The following MTRF1 variants were observed in gnomAD, a reference collection of about 807,000 sequenced individuals.
The protein encoded by MTRF1 is peptide chain release factor 1, mitochondrial.
In MTRF1, 51 loss-of-function variants were observed where a neutral mutation model predicts 62.9. That is an observed-to-expected ratio of 0.81 (90% CI 0.65 to 1.02). The LOEUF is 1.02. Ranked by LOEUF, MTRF1 falls within the 50% of genes least tolerant of loss-of-function variation. The probability of loss-of-function intolerance (pLI) is 0.00; values close to 1 mark genes in which losing one functional copy is unlikely to be tolerated. For missense variants in MTRF1, 446 were observed against 530.0 expected (o/e 0.84, Z 1.56); for synonymous variants, 158 against 181.9 (o/e 0.87, Z 1.06).
the MTRF1 span, among the ~76,000 whole-genome samples, chr13:41,282,020 C>T: frequency 1.3e-5 from 2 of 151,956 alleles, no homozygotes. Flanking sequence ...CACCTGTAAT[C>T]CCAGCTACTC....
intron 7 of MTRF1, among the ~76,000 whole-genome samples, chr13:41,231,795 C>T (rs747718572): frequency 2.0e-5 from 3 of 149,126 alleles, no homozygotes; most frequent in Non-Finnish European, 3.0e-5. Flanking sequence ...TATCCCAACA[C>T]TTTGGGATGC....
At chr13:41,269,110 T>C in the MTRF1 span, among the ~76,000 whole-genome samples, 1 of 151,142 alleles carries the variant, frequency 6.6e-6, no homozygotes, top group Admixed American at 6.6e-5. Flanking sequence ...CTTTAAGCTT[T>C]CTTACCAAAA....
At chr13:41,288,240 T>G in the MTRF1 span, 4 of 419,610 alleles carry the variant, frequency 9.5e-6, no homozygotes, top group South Asian at 7.1e-5. Context: ...CATTGGGAAA[T>G]GCATTGGGTG....
intron 5 of MTRF1, among the ~76,000 whole-genome samples, chr13:41,245,223 A>G (rs2038080750): frequency 6.7e-6 from 1 of 148,618 alleles, no homozygotes; most frequent in Non-Finnish European, 1.5e-5. Context: ...ATCCTGATTT[A>G]TCAGATTCTT....
At chr13:41,218,221 T>A (rs958042717) in intron 9 of MTRF1, among the ~76,000 whole-genome samples, 1 of 151,020 alleles carries the variant, frequency 6.6e-6, no homozygotes, top group Non-Finnish European at 1.5e-5. Context: ...GCTCAAGCAA[T>A]CCTCCCACCT....
chr13:41,273,304 C>G, the MTRF1 span, among the ~76,000 whole-genome samples: 345 of 147,714 alleles, frequency 2.3e-3, 1 homozygote, highest in Non-Finnish European at 3.8e-3. Flanking sequence ...CCAGCCTGGG[C>G]TACAGAGCGA....
chr13:41,304,006 T>C, the MTRF1 span, among the ~76,000 whole-genome samples: 2 of 152,208 alleles, frequency 1.3e-5, no homozygotes, highest in Non-Finnish European at 1.5e-5. Flanking sequence ...AGAGTAGCTA[T>C]TCCTTCACCA....
the MTRF1 span, among the ~76,000 whole-genome samples, chr13:41,291,732 A>G: frequency 6.6e-6 from 1 of 152,206 alleles, no homozygotes; most frequent in Non-Finnish European, 1.5e-5. Context: ...ACAGCTACAG[A>G]ACAAGAATAA....
the MTRF1 span, among the ~76,000 whole-genome samples, chr13:41,292,449 TG>T: frequency 4.6e-5 from 7 of 151,608 alleles, no homozygotes; most frequent in African/African-American, 1.5e-4. Context: ...CTGGGCGTGG[TG>T]GGTGCCTGTA....
At chr13:41,293,172 G>A in the MTRF1 span, among the ~76,000 whole-genome samples, 5 of 152,000 alleles carry the variant, frequency 3.3e-5, no homozygotes, top group Non-Finnish European at 7.4e-5. Flanking sequence ...GTGTGTGTGT[G>A]TTTAGATGTA....
At chr13:41,243,518 G>A (rs1348460716) in intron 5 of MTRF1, among the ~76,000 whole-genome samples, 1 of 152,070 alleles carries the variant, frequency 6.6e-6, no homozygotes, top group Non-Finnish European at 1.5e-5. Context: ...TTGCCCTGTG[G>A]GACTCTGGGC....
At chr13:41,293,874 G>T in the MTRF1 span, among the ~76,000 whole-genome samples, 1 of 151,954 alleles carries the variant, frequency 6.6e-6, no homozygotes, top group Non-Finnish European at 1.5e-5. Context: ...TTGTGTTATA[G>T]GGAAACATGT....
At chr13:41,296,789 C>T in the MTRF1 span, among the ~76,000 whole-genome samples, 1 of 151,884 alleles carries the variant, frequency 6.6e-6, no homozygotes, top group Non-Finnish European at 1.5e-5. Context: ...TTCTGATGGT[C>T]CTGATGTGAC....
intron 7 of MTRF1, among the ~76,000 whole-genome samples, chr13:41,229,843 G>A (rs1473302835): frequency 6.6e-6 from 1 of 152,154 alleles, no homozygotes; most frequent in Non-Finnish European, 1.5e-5. Context: ...GCTCATGCCT[G>A]TAATCCCAGC....
rs559745795 is a variant in MTRF1, at chr13:41,225,827, A to G, written c.1125+605T>C. Among the ~76,000 whole-genome samples the G allele has an allele frequency of 4.1e-3, 580 of 142,324 alleles. 3 individuals are homozygous for G. Among genetic ancestry groups the G allele is most frequent in the Middle Eastern group, 0.028 (8 of 286 alleles). 93.4% of individuals were successfully genotyped at this position (142,324 alleles called of 152,430 possible). On this transcript the variant is annotated intron_variant, in intron 8 of 9. Coordinates refer to ENST00000379480, the MANE Select transcript of MTRF1 (RefSeq NM_004294.4). ...TGTCATTAAAAAAAAAAAAAAAAAA[A>G]GAATTTAAATTATATATTAGGTTTA...
intron 2 of MTRF1, among the ~76,000 whole-genome samples, chr13:41,257,280 T>A (rs2139157390): frequency 6.6e-6 from 1 of 152,210 alleles, no homozygotes; most frequent in African/African-American, 2.4e-5. Context: ...AACAGGTGAG[T>A]AACATGAATA....
chr13:41,277,456 A>G, the MTRF1 span, among the ~76,000 whole-genome samples: 1 of 152,122 alleles, frequency 6.6e-6, no homozygotes, highest in Non-Finnish European at 1.5e-5. Flanking sequence ...CTGCAATGCC[A>G]TGGTCTTTAT....
At chr13:41,235,742 G>T in intron 6 of MTRF1, 1 of 157,064 alleles carries the variant, frequency 6.4e-6, no homozygotes, top group Non-Finnish European at 1.4e-5. Context: ...TGGACTTCTG[G>T]CTGCTAGAAC....
chr13:41,217,590 C>G (rs762810636), intron 9 of MTRF1, among the ~76,000 whole-genome samples: 1 of 151,978 alleles, frequency 6.6e-6, no homozygotes, highest in African/African-American at 2.4e-5. Flanking sequence ...TTTAGGAGAA[C>G]GGGTTTGCTG....
Sources: gnomAD v4.1 joint callset for allele counts (sites outside exome capture counted in the v4.1 genomes callset) on GRCh38, gnomAD v4.1.1 for gene constraint, MANE v1.5 for transcripts, NCBI Gene and HGNC (gene_info 2026-07-23, HGNC 2026-07-21) for gene names.